PPP1R13B: variants seen among roughly 807,000 people sequenced by gnomAD.
The protein encoded by PPP1R13B is apoptosis-stimulating of p53 protein 1.
A neutral mutation model predicts 119.8 loss-of-function variants in PPP1R13B; 44 were observed. The ratio of observed to expected loss-of-function variants is 0.37; its 90% CI spans 0.29 to 0.47. The LOEUF (loss-of-function observed/expected upper bound fraction) is 0.47. Ranked by LOEUF, PPP1R13B falls within the 20% of genes least tolerant of loss-of-function variation. PPP1R13B has a pLI of 0.99. For missense variants in PPP1R13B, 1,227 were observed against 1,413.5 expected (o/e 0.87, Z 2.12); for synonymous variants, 542 against 561.5 (o/e 0.97, Z 0.49).
At chr14:103,811,860 T>C (rs975066346) in intron 1 of PPP1R13B, among the ~76,000 whole-genome samples, 3 of 150,778 alleles carry the variant, frequency 2.0e-5, no homozygotes, top group Non-Finnish European at 4.4e-5. Flanking sequence ...ATCAAGATCA[T>C]CCTGGCTAAC....
chr14:103,844,676 T>C (rs1039068516), intron 1 of PPP1R13B, among the ~76,000 whole-genome samples: 4 of 150,908 alleles, frequency 2.7e-5, no homozygotes, highest in African/African-American at 9.8e-5. Flanking sequence ...TTGCGGTGAG[T>C]CAAGATCATG....
intron 1 of PPP1R13B, chr14:103,847,022 G>A (rs955757733): frequency 2.6e-5 from 30 of 1,138,130 alleles, no homozygotes; most frequent in Non-Finnish European, 2.9e-5. Context: ...GAGGACCGAG[G>A]AGATGACCGG....
intron 5 of PPP1R13B, among the ~76,000 whole-genome samples, chr14:103,755,590 G>T (rs1014481192): frequency 6.6e-6 from 1 of 152,128 alleles, no homozygotes; most frequent in Non-Finnish European, 1.5e-5. Context: ...ATAGGGAGAG[G>T]TTTAAGGTGT....
At chr14:103,750,251 T>C (rs56074527) in intron 7 of PPP1R13B, among the ~76,000 whole-genome samples, 3,356 of 152,278 alleles carry the variant, frequency 0.022, 115 homozygotes, top group African/African-American at 0.076. Flanking sequence ...CTCCACCCCA[T>C]GGAGCTGCTT....
At chr14:103,802,665 C>G (rs892108353) in intron 1 of PPP1R13B, among the ~76,000 whole-genome samples, 3 of 152,130 alleles carry the variant, frequency 2.0e-5, no homozygotes, top group African/African-American at 7.2e-5. Context: ...ACGCGGAATT[C>G]TTTATGAATG....
chr14:103,778,532 T>G, intron 4 of PPP1R13B: 1 of 513,420 alleles, frequency 1.9e-6, no homozygotes, highest in Non-Finnish European at 3.5e-6. Context: ...AGTGCTAGGA[T>G]TACATGTGTG....
At chr14:103,778,422 T>C (rs544435076) in intron 4 of PPP1R13B, among the ~76,000 whole-genome samples, 43 of 152,066 alleles carry the variant, frequency 2.8e-4, no homozygotes, top group Middle Eastern at 6.8e-3. Flanking sequence ...CCACCATGCC[T>C]GGCTAATTTT....
At chr14:103,801,143 T>C (rs1030033976) in intron 1 of PPP1R13B, among the ~76,000 whole-genome samples, 3 of 152,132 alleles carry the variant, frequency 2.0e-5, no homozygotes, top group Admixed American at 2.0e-4. Flanking sequence ...AGCCAACACG[T>C]CTGGCCTACC....
intron 4 of PPP1R13B, among the ~76,000 whole-genome samples, chr14:103,768,046 A>G (rs919291620): frequency 7.2e-5 from 11 of 151,948 alleles, no homozygotes; most frequent in African/African-American, 2.4e-4. Flanking sequence ...TACAATTAAA[A>G]TAAGTTGCAT....
intron 4 of PPP1R13B, among the ~76,000 whole-genome samples, chr14:103,764,879 G>A (rs1471272075): frequency 6.6e-6 from 1 of 151,964 alleles, no homozygotes; most frequent in Non-Finnish European, 1.5e-5. Flanking sequence ...GACTGCAGTG[G>A]CGGATCTCGG....
chr14:103,847,297 AC>A lies in PPP1R13B; in HGVS notation c.9+1del. 1 of 992,374 alleles carries A rather than the reference AC, an allele frequency of 1.0e-6. No individual in the cohort carries two copies. The highest frequency in any genetic ancestry group is 3.3e-5 in the Admixed American group (1 of 29,998). The allele number at this position is 992,374 out of a possible 1,614,324, so 61.5% of individuals were successfully genotyped here. A position where few individuals can be genotyped will look rare whatever the true frequency, so the allele number is the denominator to read the frequency against. ...CGCCACCTCCCGCCCGCCCTCACCC[AC>A]CGGCATCATCGCGGGGAGAGTCCGC... On this transcript the variant is annotated splice_donor_variant, in intron 1 of 16. Transcript: ENST00000202556. LOFTEE classifies it high-confidence loss of function.
Position 103,741,900 on chromosome 14 carries a change from G to A in PPP1R13B, c.1712C>T (p.Pro571Leu). 6.2e-7 allele frequency: 1 copy of A among 1,614,186 alleles called. No homozygotes were observed. Among genetic ancestry groups the A allele is most frequent in the African/African-American group, 1.3e-5 (1 of 75,036 alleles). ...GSRPQSPRKGPQTVNSSSIYS... is the reference protein window; with the variant it reads ...GSRPQSPRKGLQTVNSSSIYS... ...TATGGAACTTGAATTCACTGTCTGG[G>A]GTCCTTTCCTGGGAGACTGTGGCCT... Residue 571 changes from proline (P) to leucine (L), a missense_variant, in exon 11 of 17, where the codon CCC becomes CTC. Physicochemically the swap from Pro to Leu is moderately conservative, Grantham distance 98. Transcript: ENST00000202556.
chr14:103,832,110 AAAAAAAAAAAAAAGTTAT>A (rs896882023), intron 1 of PPP1R13B, among the ~76,000 whole-genome samples: 4 of 145,546 alleles, frequency 2.7e-5, no homozygotes, highest in African/African-American at 7.5e-5. Flanking sequence ...CTATCTCTTA[AAAAAAAAAAAAAAGTTAT>A]GTTTCTATTG....
At chr14:103,786,540 A>G (rs1271364701) in intron 2 of PPP1R13B, among the ~76,000 whole-genome samples, 1 of 152,042 alleles carries the variant, frequency 6.6e-6, no homozygotes, top group East Asian at 1.9e-4. Flanking sequence ...CAAGGTGGGC[A>G]GATCACCCGA....
intron 2 of PPP1R13B, among the ~76,000 whole-genome samples, chr14:103,791,433 G>A (rs966729998): frequency 2.6e-5 from 4 of 152,168 alleles, no homozygotes; most frequent in African/African-American, 9.7e-5. Flanking sequence ...AAACATTAAA[G>A]AAGTAAATTT....
intron 3 of PPP1R13B, among the ~76,000 whole-genome samples, chr14:103,780,736 C>T (rs554915906): frequency 6.6e-6 from 1 of 151,002 alleles, no homozygotes; most frequent in South Asian, 2.1e-4. Context: ...ATTGCTTGAA[C>T]CCGGGAGGCG....
At chr14:103,839,736 A>T (rs1393643280) in intron 1 of PPP1R13B, among the ~76,000 whole-genome samples, 1 of 151,582 alleles carries the variant, frequency 6.6e-6, no homozygotes, top group Non-Finnish European at 1.5e-5. Flanking sequence ...CACCTCCTCC[A>T]CTTTCCCCCT....
At position 103,735,069 on chromosome 14, in the gene PPP1R13B, C is replaced by T. The variant is rs771393212; in HGVS notation, c.*85G>A. The T allele has an allele frequency of 6.8e-7, 1 of 1,479,994 alleles. No individual in the cohort carries two copies. 91.7% of individuals were successfully genotyped at this position (1,479,994 alleles called of 1,614,324 possible). ...GAGCACCATTAAGACCATTTTCTAGCTGCAGCTTTCCTGGAAAACAGCACA... is the reference window on the plus strand; with the variant it reads ...GAGCACCATTAAGACCATTTTCTAGTTGCAGCTTTCCTGGAAAACAGCACA... On this transcript the variant is annotated 3_prime_UTR_variant, in exon 17 of 17. Transcript: ENST00000202556.
upstream of PPP1R13B, chr14:103,848,159 C>T (rs2087117365): frequency 1.2e-6 from 1 of 832,972 alleles, no homozygotes; most frequent in Non-Finnish European, 1.4e-6. Context: ...CCCCCACCGG[C>T]GTCTTCCGCG....
Sources: allele counts gnomAD v4.1 joint callset (sites outside exome capture counted in the v4.1 genomes callset), GRCh38; gene constraint gnomAD v4.1.1; transcripts MANE v1.5; gene names NCBI Gene and HGNC (gene_info 2026-07-23, HGNC 2026-07-21).